Variants in DCC observed in about 807,000 individuals in gnomAD.
The protein encoded by DCC is netrin receptor DCC.
Under a neutral mutation model 172.5 loss-of-function variants are expected in DCC, and 58 were observed. That is an observed-to-expected ratio of 0.34 (90% CI 0.27 to 0.42). The LOEUF (loss-of-function observed/expected upper bound fraction) is 0.42, where lower values mean the gene tolerates loss of function less well. DCC is among the 10% of genes least tolerant of loss of function. The pLI is 1.00. For missense variants in DCC, 1,740 were observed against 1,791.0 expected, an observed-to-expected ratio of 0.97 and a Z score of 0.51; for synonymous variants, 709 against 644.5, an observed-to-expected ratio of 1.10 and a Z score of -1.52.
chr18:53,501,074 T>C (rs1192552204), intron 27 of DCC, among the ~76,000 whole-genome samples: 2 of 152,160 alleles, frequency 1.3e-5, no homozygotes, highest in African/African-American at 4.8e-5. Flanking sequence ...GTTTCCCCAC[T>C]GCAAGCACAA....
chr18:53,033,841 A>G (rs957235378), intron 5 of DCC, among the ~76,000 whole-genome samples: 3 of 152,084 alleles, frequency 2.0e-5, no homozygotes, highest in Admixed American at 2.0e-4. Flanking sequence ...TTTTCTAACA[A>G]TCCAACAAAA....
intron 7 of DCC, among the ~76,000 whole-genome samples, chr18:53,101,610 A>G (rs2043172907): frequency 6.6e-6 from 1 of 152,164 alleles, no homozygotes; most frequent in South Asian, 2.1e-4. Flanking sequence ...AAGGCTACTT[A>G]GCCAAGAAAA....
At chr18:53,219,874 CA>C (rs2055904706) in intron 12 of DCC, among the ~76,000 whole-genome samples, 1 of 152,082 alleles carries the variant, frequency 6.6e-6, no homozygotes, top group Non-Finnish European at 1.5e-5. Flanking sequence ...TCATTTTTAA[CA>C]GATATTTTAA....
intron 1 of DCC, among the ~76,000 whole-genome samples, 188 bp downstream of exon 1, chr18:52,341,066 G>T (rs1259047014): frequency 6.6e-6 from 1 of 151,474 alleles, no homozygotes; most frequent in African/African-American, 2.4e-5. Context: ...GGATGATGGT[G>T]GGGGGGTGGT....
intron 12 of DCC, among the ~76,000 whole-genome samples, chr18:53,243,712 T>C (rs568219724): frequency 8.5e-5 from 13 of 152,270 alleles, no homozygotes; most frequent in African/African-American, 3.1e-4. Context: ...CCTCTGAGAT[T>C]ATCATGGAGT....
At chr18:52,543,537 G>T (rs1145275) in intron 1 of DCC, among the ~76,000 whole-genome samples, 36,375 of 152,094 alleles carry the variant, frequency 0.24, 4,481 homozygotes, top group African/African-American at 0.29. Flanking sequence ...CACAGGGGAA[G>T]AATGGACATC....
chr18:53,136,660 T>C (rs1356864593), intron 7 of DCC, among the ~76,000 whole-genome samples: 1 of 151,524 alleles, frequency 6.6e-6, no homozygotes, highest in Non-Finnish European at 1.5e-5. Flanking sequence ...AACTTTAGGG[T>C]TGATAAGGTA....
chr18:53,503,353 A>G (rs924456626), intron 27 of DCC, among the ~76,000 whole-genome samples: 5 of 152,172 alleles, frequency 3.3e-5, no homozygotes, highest in African/African-American at 1.2e-4. Context: ...ACAAGACTCT[A>G]GGGTATTTAT....
chr18:52,511,280 C>CAAAAAAAAA (rs5824941), intron 1 of DCC, among the ~76,000 whole-genome samples: 4 of 110,076 alleles, frequency 3.6e-5, no homozygotes, highest in Non-Finnish European at 5.3e-5. Flanking sequence ...GACTCTGTCT[C>CAAAAAAAAA]AAAAAAAAAA....
intron 1 of DCC, among the ~76,000 whole-genome samples, chr18:52,403,405 A>T (rs1399448619): frequency 6.6e-6 from 1 of 151,940 alleles, no homozygotes; most frequent in African/African-American, 2.4e-5. Flanking sequence ...ATTCAGAAAG[A>T]GCTTACTCTG....
intron 7 of DCC, among the ~76,000 whole-genome samples, chr18:53,152,193 G>T (rs899472185): frequency 6.6e-6 from 1 of 152,204 alleles, no homozygotes; most frequent in African/African-American, 2.4e-5. Flanking sequence ...AGCAACATGG[G>T]GAATGAAACA....
At chr18:52,530,806 C>T (rs1406773221) in intron 1 of DCC, among the ~76,000 whole-genome samples, 4 of 152,164 alleles carry the variant, frequency 2.6e-5, no homozygotes, top group African/African-American at 9.7e-5. Flanking sequence ...TGTTTCCTTA[C>T]TCTCACAGTG....
At chr18:53,477,828 C>T (rs987090155) in intron 25 of DCC, among the ~76,000 whole-genome samples, 3 of 152,176 alleles carry the variant, frequency 2.0e-5, no homozygotes, top group Non-Finnish European at 2.9e-5. Context: ...AGCTGAGGCT[C>T]ATGAAAAACA....
chr18:53,007,466 C>CT (rs2041663493), intron 5 of DCC, among the ~76,000 whole-genome samples: 7 of 152,132 alleles, frequency 4.6e-5, no homozygotes, highest in African/African-American at 1.7e-4. Flanking sequence ...TAAATAAGAG[C>CT]TGAGGTAGCA....
At chr18:52,672,417 C>T (rs2144972504) in intron 1 of DCC, among the ~76,000 whole-genome samples, 1 of 152,074 alleles carries the variant, frequency 6.6e-6, no homozygotes, top group East Asian at 1.9e-4. Context: ...TAAGTGTATC[C>T]AATTTTTATG....
At chr18:52,756,182 G>A (rs1568083810) in intron 2 of DCC, among the ~76,000 whole-genome samples, 1 of 152,174 alleles carries the variant, frequency 6.6e-6, no homozygotes, top group Non-Finnish European at 1.5e-5. Flanking sequence ...AATCTAAAAT[G>A]CTGCAGTGTT....
intron 28 of DCC, among the ~76,000 whole-genome samples, chr18:53,528,639 G>A (rs1204034369): frequency 6.6e-6 from 1 of 152,050 alleles, no homozygotes; most frequent in Non-Finnish European, 1.5e-5. Flanking sequence ...ATTTGCCTAT[G>A]AAAACATAAT....
chr18:52,429,122 C>G (rs1375535765), intron 1 of DCC, among the ~76,000 whole-genome samples: 1 of 152,050 alleles, frequency 6.6e-6, no homozygotes, highest in Non-Finnish European at 1.5e-5. Flanking sequence ...TTACTGATGT[C>G]CATAACTGTC....
chr18:52,911,832 C>T (rs1568182600), intron 3 of DCC, among the ~76,000 whole-genome samples: 1 of 151,704 alleles, frequency 6.6e-6, no homozygotes, highest in Non-Finnish European at 1.5e-5. Context: ...AAACAGGGTG[C>T]ACTTAGCCTT....
Sources: allele counts gnomAD v4.1 joint callset (sites outside exome capture counted in the v4.1 genomes callset), GRCh38; gene constraint gnomAD v4.1.1; transcripts MANE v1.5; gene names NCBI Gene and HGNC (gene_info 2026-07-23, HGNC 2026-07-21).